Variants in EYA2 observed in about 807,000 individuals in gnomAD.
The protein encoded by EYA2 is protein phosphatase EYA2.
A neutral mutation model predicts 69.2 loss-of-function variants in EYA2; 31 were observed. The ratio of observed to expected loss-of-function variants is 0.45; its 90% confidence interval spans 0.34 to 0.60. The LOEUF (loss-of-function observed/expected upper bound fraction) is 0.60, where lower values mean the gene tolerates loss of function less well. Among genes scored for constraint, EYA2 ranks in the 20% least tolerant of loss-of-function variants. The probability of loss-of-function intolerance (pLI) is 0.02; values close to 1 mark genes in which losing one functional copy is unlikely to be tolerated. For synonymous variants in EYA2, 257 were observed against 279.4 expected (o/e 0.92, Z 0.80); for missense variants, 622 against 701.2 (o/e 0.89, Z 1.28).
intron 5 of EYA2, among the ~76,000 whole-genome samples, chr20:47,069,482 T>C (rs530391436): frequency 6.6e-6 from 1 of 152,226 alleles, no homozygotes; most frequent in South Asian, 2.1e-4. Context: ...AGAGCGAGAT[T>C]CTGTTTTTTA....
At chr20:47,013,987 C>CA in intron 4 of EYA2, among the ~76,000 whole-genome samples, 1 of 152,230 alleles carries the variant, frequency 6.6e-6, no homozygotes, top group South Asian at 2.1e-4. Context: ...GACCCCAGTC[C>CA]AATGGATTGG....
At chr20:47,105,413 C>G (rs1240978088) in intron 9 of EYA2, among the ~76,000 whole-genome samples, 1 of 152,112 alleles carries the variant, frequency 6.6e-6, no homozygotes, top group Non-Finnish European at 1.5e-5. Flanking sequence ...TCACTTGAGG[C>G]CAGGAGTTCG....
chr20:47,125,523 T>A (rs923201568), intron 9 of EYA2, among the ~76,000 whole-genome samples: 1 of 152,328 alleles, frequency 6.6e-6, no homozygotes, highest in Non-Finnish European at 1.5e-5. Context: ...TAAAAAAAAT[T>A]TTTTTAAACA....
At chr20:47,186,348 CTTTTTTTTTTTT>C (rs765874138) in intron 15 of EYA2, among the ~76,000 whole-genome samples, 3 of 72,316 alleles carry the variant, frequency 4.1e-5, no homozygotes, top group African/African-American at 9.4e-5. Context: ...AGCACTTATT[CTTTTTTTTTTTT>C]TTTTTTTTTT....
chr20:47,041,954 T>A (rs1985094740), intron 5 of EYA2, among the ~76,000 whole-genome samples: 1 of 152,082 alleles, frequency 6.6e-6, no homozygotes, highest in South Asian at 2.1e-4. Context: ...ATGGAAGGTT[T>A]GGTAAGAATA....
intron 5 of EYA2, among the ~76,000 whole-genome samples, chr20:47,053,456 A>G (rs1191401885): frequency 6.6e-6 from 1 of 152,082 alleles, no homozygotes; most frequent in Non-Finnish European, 1.5e-5. Flanking sequence ...GCTTGAACCC[A>G]GGAGTTCTCG....
intron 9 of EYA2, among the ~76,000 whole-genome samples, chr20:47,112,479 T>C (rs540745409): frequency 6.6e-6 from 1 of 152,328 alleles, no homozygotes; most frequent in South Asian, 2.1e-4. Context: ...TTTAACTTGA[T>C]TATATTATGC....
At chr20:46,942,379 T>C (rs543844771) in intron 1 of EYA2, among the ~76,000 whole-genome samples, 42 of 152,174 alleles carry the variant, frequency 2.8e-4, no homozygotes, top group African/African-American at 9.4e-4. Flanking sequence ...AGCTAATTTT[T>C]GTATTTTTTG....
At chr20:47,069,005 A>C (rs1229480827) in intron 5 of EYA2, among the ~76,000 whole-genome samples, 2 of 152,180 alleles carry the variant, frequency 1.3e-5, no homozygotes, top group African/African-American at 4.8e-5. Context: ...ACCATGCTCC[A>C]GGCTTCCGGG....
chr20:46,896,755 A>C (rs1334700740), intron 1 of EYA2, among the ~76,000 whole-genome samples: 1 of 152,232 alleles, frequency 6.6e-6, no homozygotes, highest in East Asian at 1.9e-4. Flanking sequence ...GGTTAGATGC[A>C]AAAGAGCCTG....
chr20:46,921,067 A>C (rs903662114), intron 1 of EYA2, among the ~76,000 whole-genome samples: 3 of 152,128 alleles, frequency 2.0e-5, no homozygotes, highest in Non-Finnish European at 2.9e-5. Flanking sequence ...CCAGGCTTGG[A>C]GGCTGGGTAG....
At chr20:47,068,845 G>C (rs751517689) in intron 5 of EYA2, among the ~76,000 whole-genome samples, 28 of 152,268 alleles carry the variant, frequency 1.8e-4, no homozygotes, top group Admixed American at 3.3e-4. Context: ...GGCTCTAGAA[G>C]CTTCTTGTTT....
At chr20:47,162,846 A>G (rs978502884) in intron 10 of EYA2, among the ~76,000 whole-genome samples, 1 of 151,930 alleles carries the variant, frequency 6.6e-6, no homozygotes, top group African/African-American at 2.4e-5. Context: ...AAGTATTTCA[A>G]TAAGCTAAAA....
chr20:47,080,712 G>A (rs1175222887), intron 7 of EYA2, among the ~76,000 whole-genome samples: 1 of 152,104 alleles, frequency 6.6e-6, no homozygotes, highest in Admixed American at 6.5e-5. Context: ...ATGTGGCTGG[G>A]GAAGCCTCAC....
chr20:47,055,625 T>C (rs193143587), intron 5 of EYA2, among the ~76,000 whole-genome samples: 32 of 152,292 alleles, frequency 2.1e-4, no homozygotes, highest in Admixed American at 4.6e-4. Flanking sequence ...TCTTGCTTCT[T>C]TCAGATCCTT....
intron 3 of EYA2, among the ~76,000 whole-genome samples, chr20:47,003,496 G>C (rs529165269): frequency 6.6e-5 from 10 of 152,252 alleles, no homozygotes; most frequent in Admixed American, 3.3e-4. Flanking sequence ...GCAGACCCAG[G>C]TACGCTGAAG....
chr20:46,983,361 G>C (rs1980964649), intron 1 of EYA2, among the ~76,000 whole-genome samples: 1 of 152,142 alleles, frequency 6.6e-6, no homozygotes, highest in Non-Finnish European at 1.5e-5. Flanking sequence ...TGATAGTAGA[G>C]GCAAATCACT....
chr20:47,004,609 C>A (rs1211668306), intron 3 of EYA2, among the ~76,000 whole-genome samples: 1 of 152,160 alleles, frequency 6.6e-6, no homozygotes, highest in Non-Finnish European at 1.5e-5. Flanking sequence ...AACCTGTGCC[C>A]TCCACAGTTG....
intron 5 of EYA2, among the ~76,000 whole-genome samples, chr20:47,055,646 G>A (rs2030577034): frequency 1.3e-5 from 2 of 152,094 alleles, no homozygotes; most frequent in Admixed American, 1.3e-4. Context: ...ACCCCTCAGG[G>A]TCTTTGCACT....
Sources: gnomAD v4.1 joint callset for allele counts (sites outside exome capture counted in the v4.1 genomes callset) on GRCh38, gnomAD v4.1.1 for gene constraint, MANE v1.5 for transcripts, NCBI Gene and HGNC (gene_info 2026-07-23, HGNC 2026-07-21) for gene names.